The following MDH1 variants were observed in gnomAD, a reference collection of about 807,000 sequenced individuals.
MDH1 encodes malate dehydrogenase 1, also known as malate dehydrogenase, cytoplasmic.
A neutral mutation model predicts 38.7 loss-of-function variants in MDH1; 15 were observed. That is an observed-to-expected ratio of 0.39 (90% confidence interval 0.26 to 0.60). The LOEUF (loss-of-function observed/expected upper bound fraction) is 0.60, where lower values mean the gene tolerates loss of function less well. MDH1 is among the 20% of genes least tolerant of loss of function. The probability of loss-of-function intolerance (pLI) is 0.56; values close to 1 mark genes in which losing one functional copy is unlikely to be tolerated. For synonymous variants in MDH1, 144 were observed against 143.6 expected (o/e 1.00, Z -0.02); for missense variants, 368 against 405.2 (o/e 0.91, Z 0.79).
rs1709506919 is a variant in MDH1 at position 63,605,307 on chromosome 2, A to G, written c.703A>G (p.Ile235Val). ...TTVQQRGAAV[I>V]KARKLSSAMS... ...TGTGCAGCAGCGTGGCGCTGCTGTC[A>G]TCAAGGCTCGAAAACTATCCAGTGC... is the stretch of plus-strand genomic sequence containing the variant. The change falls in exon 7 of 9, where the codon ATC (isoleucine) becomes GTC (valine). Residue 235 changes from isoleucine (I) to valine (V), a missense_variant. Physicochemically the swap from Ile to Val is conservative, Grantham distance 29. Coordinates refer to ENST00000233114, the MANE Select transcript of MDH1 (RefSeq NM_005917.4). 1 of 1,614,126 alleles carries G rather than the reference A, an allele frequency of 6.2e-7. No individual in the cohort carries two copies. The highest frequency in any genetic ancestry group is 8.5e-7 in the Non-Finnish European group (1 of 1,179,964).
intron 4 of MDH1, 21 bp downstream of exon 4, chr2:63,597,595 T>A: frequency 7.4e-7 from 1 of 1,342,804 alleles, no homozygotes; most frequent in South Asian, 2.5e-5. Flanking sequence ...CTGTATTTTA[T>A]GGGATTTTTC....
intron 5 of MDH1, among the ~76,000 whole-genome samples, chr2:63,601,749 C>CT (rs1709422704): frequency 6.6e-6 from 1 of 152,090 alleles, no homozygotes; most frequent in Non-Finnish European, 1.5e-5. Flanking sequence ...GTGGAGAGGC[C>CT]TAGAGGCATT....
At chr2:63,594,749 T>C in intron 2 of MDH1, 163 bp downstream of exon 2, 1 of 569,744 alleles carries the variant, frequency 1.8e-6, no homozygotes, top group Non-Finnish European at 3.1e-6. Context: ...GGTATTTATA[T>C]GTACGCCTCC....
intron 6 of MDH1, among the ~76,000 whole-genome samples, 176 bp from the exon 7 acceptor site, chr2:63,605,104 C>A (rs1406662449): frequency 6.6e-6 from 1 of 152,090 alleles, no homozygotes; most frequent in Non-Finnish European, 1.5e-5. Flanking sequence ...TATGGAGATA[C>A]ATAGTTTCCT....
At chr2:63,593,528 GT>G (rs1709242471) in intron 1 of MDH1, 2 of 470,568 alleles carry the variant, frequency 4.3e-6, no homozygotes, top group Admixed American at 4.7e-5. Flanking sequence ...TCCTTGTTTC[GT>G]CTCAGAGACG....
intron 5 of MDH1, among the ~76,000 whole-genome samples, chr2:63,600,531 C>A (rs1709398759): frequency 6.6e-6 from 1 of 152,128 alleles, no homozygotes; most frequent in South Asian, 2.1e-4. Context: ...TTGTATCTAC[C>A]TCAGAGAGTT....
chr2:63,589,362 C>A (rs753210001), intron 1 of MDH1: 5 of 1,550,460 alleles, frequency 3.2e-6, no homozygotes, highest in Admixed American at 2.0e-5. Flanking sequence ...AAGGACGTTA[C>A]GGTGTTTGAT....
At chr2:63,603,657 T>A (rs1298636654) in intron 5 of MDH1, among the ~76,000 whole-genome samples, 16 of 42,844 alleles carry the variant, frequency 3.7e-4, no homozygotes, top group Non-Finnish European at 3.9e-4. Context: ...AGACATTTCT[T>A]TTTTTTTTTT....
At chr2:63,590,027 A>C (rs990687031) in intron 1 of MDH1, 2 of 154,170 alleles carry the variant, frequency 1.3e-5, no homozygotes, top group Non-Finnish European at 2.9e-5. Context: ...TTTCAAGGCA[A>C]GGGCATTACT....
rs759150228 is a variant in MDH1, at chr2:63,589,434, TTGCCC to T, written c.3+389_3+393del. ...GGTCCTAACCCCTTTTTCTCCTCAT[TTGCCC>T]ACAGTGTTTATAACGGCTTTTGTCA... On this transcript the variant is annotated intron_variant, in intron 1 of 8. Coordinates refer to ENST00000233114, the MANE Select transcript of MDH1 (RefSeq NM_005917.4). 233 of 1,516,492 alleles carry T rather than the reference TTGCCC, an allele frequency of 1.5e-4. 3 individuals carry two copies. The South Asian group carries it at 2.7e-3, about 18-fold the overall frequency. The allele number at this position is 1,516,492 out of a possible 1,614,324, so 93.9% of individuals were successfully genotyped here.
At chr2:63,596,934 G>C (rs1346544064) in intron 3 of MDH1, among the ~76,000 whole-genome samples, 10 of 152,120 alleles carry the variant, frequency 6.6e-5, no homozygotes, top group African/African-American at 2.4e-4. Flanking sequence ...AAATTTGATA[G>C]TAATATAAAT....
intron 3 of MDH1, among the ~76,000 whole-genome samples, chr2:63,596,037 A>G (rs959595758): frequency 2.6e-5 from 4 of 152,196 alleles, no homozygotes; most frequent in African/African-American, 9.6e-5. Context: ...TGTCCTTACC[A>G]TATGCTCTAT....
At chr2:63,603,517 C>T (rs1463094056) in intron 5 of MDH1, among the ~76,000 whole-genome samples, 1 of 152,040 alleles carries the variant, frequency 6.6e-6, no homozygotes, top group East Asian at 1.9e-4. Flanking sequence ...TTCCACATTC[C>T]CTTCTGGTTC....
chr2:63,604,769 A>G lies in MDH1; in HGVS notation c.572A>G (p.Gln191Arg), dbSNP rs1448689140. The G allele has an allele frequency of 6.2e-7, 1 of 1,614,168 alleles. No individual in the cohort carries two copies. The change falls in exon 6 of 9, where the codon CAG (glutamine) becomes CGG (arginine). Residue 191 changes from glutamine (Q) to arginine (R), a missense_variant. Gln to Arg is a conservative substitution (Grantham distance 43). Coordinates refer to ENST00000233114, the MANE Select transcript of MDH1 (RefSeq NM_005917.4). ...VIIWGNHSST[Q>R]YPDVNHAKVK... ...ATCTGGGGAAACCATTCCTCGACTC[A>G]GTATCCAGATGTCAACCATGCCAAG...
chr2:63,600,384 ATAAAT>A (rs957290545), intron 5 of MDH1, among the ~76,000 whole-genome samples: 28 of 152,210 alleles, frequency 1.8e-4, no homozygotes, highest in Non-Finnish European at 3.5e-4. Flanking sequence ...CATACAGCTC[ATAAAT>A]TACGGAGCCA....
intron 5 of MDH1, among the ~76,000 whole-genome samples, chr2:63,604,195 C>T (rs1023584292): frequency 1.3e-5 from 2 of 152,118 alleles, no homozygotes; most frequent in South Asian, 2.1e-4. Flanking sequence ...TCCTATCCAA[C>T]TCTAAAATTT....
intron 3 of MDH1, among the ~76,000 whole-genome samples, chr2:63,595,846 T>G (rs1434303448): frequency 1.3e-5 from 2 of 152,196 alleles, no homozygotes; most frequent in African/African-American, 4.8e-5. Context: ...AACGTAGGAA[T>G]TGTCTACATT....
intron 4 of MDH1, 106 bp from the exon 5 acceptor site, chr2:63,599,064 T>C: frequency 9.5e-7 from 1 of 1,049,974 alleles, no homozygotes; most frequent in Non-Finnish European, 1.3e-6. Context: ...TTCCCAAGCC[T>C]CCCCTGTACA....
rs750637827 is a variant in MDH1 at position 63,595,431 on chromosome 2, T to C, written c.111T>C (p.Ile37=). Residue 37 remains isoleucine (I), a synonymous_variant, in exon 3 of 9, where the codon ATT becomes ATC. Coordinates refer to ENST00000233114, the MANE Select transcript of MDH1 (RefSeq NM_005917.4). ...TCCTTGCTATTTGGTAGCCTATAAT[T>C]CTTGTGCTGTTGGATATCACCCCCA... The part of the protein sequence containing the change: ...GSVFGKDQPI[I]LVLLDITPMM... 6.2e-7 allele frequency: 1 copy of C among 1,605,488 alleles called. No homozygotes were observed. The highest frequency in any genetic ancestry group is 8.5e-7 in the Non-Finnish European group (1 of 1,172,278).
Sources: gnomAD v4.1 joint callset for allele counts (sites outside exome capture counted in the v4.1 genomes callset) on GRCh38, gnomAD v4.1.1 for gene constraint, MANE v1.5 for transcripts, NCBI Gene and HGNC (gene_info 2026-07-23, HGNC 2026-07-21) for gene names.